The following MBNL3 variants were observed in gnomAD, a reference collection of about 807,000 sequenced individuals.
MBNL3 encodes the protein muscleblind like splicing regulator 3.
MBNL3 carries 6 observed loss-of-function variants against 24.5 expected under a neutral mutation model. The observed-to-expected ratio is 0.25, with a 90% CI of 0.13 to 0.48. MBNL3 has a LOEUF of 0.48. Among genes scored for constraint, MBNL3 ranks in the 20% least tolerant of loss-of-function variants. The pLI, the probability that MBNL3 is intolerant of heterozygous loss-of-function variation, is 0.99. For synonymous variants in MBNL3, 100 were observed against 101.7 expected (o/e 0.98, Z 0.10); for missense variants, 230 against 293.5 (o/e 0.78, Z 1.58).
At chrX:132,453,661 T>G (rs1015928304) in intron 1 of MBNL3, among the ~76,000 whole-genome samples, 1 of 111,877 alleles carries the variant, frequency 8.9e-6, no homozygotes, top group African/African-American at 3.2e-5. Flanking sequence ...ACTAGGATGG[T>G]TTTTTTGTTA....
At chrX:132,471,845 A>G (rs924718312) in intron 1 of MBNL3, among the ~76,000 whole-genome samples, 5 of 112,843 alleles carry the variant, frequency 4.4e-5, no homozygotes, top group Non-Finnish European at 7.5e-5. Context: ...CCCTGTTACA[A>G]AGTCATAATA....
intron 1 of MBNL3, among the ~76,000 whole-genome samples, chrX:132,474,956 C>A (rs1436046045): frequency 1.8e-5 from 2 of 111,279 alleles, no homozygotes; most frequent in African/African-American, 6.5e-5. Flanking sequence ...TACATAATTC[C>A]TGTGGTATTT....
chrX:132,443,984 T>TCCCCCCCCCCCCCCCCCCC lies in MBNL3; in HGVS notation c.-703-3671_-703-3670insGGGGGGGGGGGGGGGGGGG, dbSNP rs762809506. Among the ~76,000 whole-genome samples, 2 of 6,149 alleles carry TCCCCCCCCCCCCCCCCCCC rather than the reference T, an allele frequency of 3.3e-4. 1 individual carries two copies. The allele number at this position is 6,149 out of a possible 115,157, so 5.3% of individuals were successfully genotyped here. A position where few individuals can be genotyped will look rare whatever the true frequency, so the allele number is the denominator to read the frequency against. On this transcript the variant is annotated intron_variant, in intron 1 of 8. Transcript: ENST00000370853. Reference sequence around the variant, plus strand: ...AAACTCAAGCAGCCTGACTCCAGAGTCCGCCCCCCCCCCCCCCCCCCACCT... The same window carrying TCCCCCCCCCCCCCCCCCCC: ...AAACTCAAGCAGCCTGACTCCAGAGTCCCCCCCCCCCCCCCCCCCCCGCCCCCCCCCCCCCCCCCCACCT...
chrX:132,472,050 T>G (rs1947209847), intron 1 of MBNL3, among the ~76,000 whole-genome samples: 1 of 112,492 alleles, frequency 8.9e-6, no homozygotes, highest in Admixed American at 9.4e-5. Flanking sequence ...ACTGAACTTT[T>G]CTCCATGTAT....
chrX:132,396,556 C>T lies in MBNL3; in HGVS notation c.343-4222G>A, dbSNP rs183356845. ...TTCATATATATATTCCTATATATTC[C>T]TATATATATTCCTATATATATTCCT... On this transcript the variant is annotated intron_variant, in intron 3 of 8. Coordinates refer to ENST00000370853, the MANE Select transcript of MBNL3 (RefSeq NM_001386889.1). Among the ~76,000 whole-genome samples the T allele has an allele frequency of 9.6e-4, 16 of 16,583 alleles. 1 individual carries two copies. The highest frequency in any genetic ancestry group is 3.2e-4 in the Non-Finnish European group (2 of 6,255). 14.4% of individuals were successfully genotyped at this position (16,583 alleles called of 115,157 possible). A position where few individuals can be genotyped will look rare whatever the true frequency, so the allele number is the denominator to read the frequency against.
At chrX:132,425,364 G>A (rs756391665) in intron 2 of MBNL3, among the ~76,000 whole-genome samples, 1 of 111,726 alleles carries the variant, frequency 9.0e-6, no homozygotes, top group Non-Finnish European at 1.9e-5. Context: ...CTTAAACTTC[G>A]ATATTGAAAT....
intron 3 of MBNL3, among the ~76,000 whole-genome samples, chrX:132,404,467 G>A (rs1259092803): frequency 8.9e-6 from 1 of 112,192 alleles, no homozygotes; most frequent in Non-Finnish European, 1.9e-5. Context: ...GGAGTTCAAC[G>A]ATGTAAAGAA....
chrX:132,392,422 AT>A, intron 3 of MBNL3, 88 bp from the exon 4 acceptor site: 1 of 727,387 alleles, frequency 1.4e-6, no homozygotes, highest in Non-Finnish European at 1.9e-6. Context: ...AAACATCAAA[AT>A]TACTTATGCC....
chrX:132,483,242 T>A (rs1276485695), intron 1 of MBNL3, among the ~76,000 whole-genome samples: 1 of 112,109 alleles, frequency 8.9e-6, no homozygotes, highest in Non-Finnish European at 1.9e-5. Flanking sequence ...ATCAAGTGCC[T>A]ACTTTTCAGA....
intron 1 of MBNL3, among the ~76,000 whole-genome samples, chrX:132,450,979 C>G (rs1946079462): frequency 8.9e-6 from 1 of 112,346 alleles, no homozygotes; most frequent in South Asian, 3.7e-4. Flanking sequence ...CCCTGTTTGC[C>G]TGGGTATCAC....
chrX:132,461,543 C>T (rs1052188570), intron 1 of MBNL3, among the ~76,000 whole-genome samples: 1 of 111,188 alleles, frequency 9.0e-6, no homozygotes. Context: ...TCTCAATGAG[C>T]TTATAATCTA....
chrX:132,473,620 A>G (rs1316978314), intron 1 of MBNL3, among the ~76,000 whole-genome samples: 1 of 111,032 alleles, frequency 9.0e-6, no homozygotes, highest in Non-Finnish European at 1.9e-5. Context: ...ACGCACACAC[A>G]CACACGCACA....
intron 1 of MBNL3, among the ~76,000 whole-genome samples, chrX:132,447,762 C>A (rs1037529018): frequency 2.7e-5 from 3 of 112,010 alleles, no homozygotes; most frequent in African/African-American, 9.7e-5. Context: ...TGCCTGATTG[C>A]CCTGGCCAGA....
chrX:132,449,984 C>CA (rs1945992804), intron 1 of MBNL3, among the ~76,000 whole-genome samples: 3 of 66,478 alleles, frequency 4.5e-5, no homozygotes, highest in African/African-American at 1.5e-4. Context: ...ATTGCCCCCC[C>CA]CCCCCCCCCG....
rs1349016688 is a variant in MBNL3, at chrX:132,435,817, A to G, written c.177+3618T>C. Among the ~76,000 whole-genome samples the G allele has an allele frequency of 2.7e-5, 3 of 111,324 alleles. No homozygotes were observed. The Admixed American group carries it at 2.9e-4, about 11-fold the overall frequency. On this transcript the variant is annotated intron_variant, in intron 2 of 8. Transcript: ENST00000370853. ...TTTACCAGGAAATTCTTGGCACAAAACTACCCAAAGTGGTAAGAGGGGTGG... is the reference window on the plus strand; with the variant it reads ...TTTACCAGGAAATTCTTGGCACAAAGCTACCCAAAGTGGTAAGAGGGGTGG...
At chrX:132,436,337 A>G (rs1945115714) in intron 2 of MBNL3, among the ~76,000 whole-genome samples, 1 of 112,187 alleles carries the variant, frequency 8.9e-6, no homozygotes, top group African/African-American at 3.2e-5. Context: ...ACTTCAGCAC[A>G]ATACACAATC....
At position 132,417,884 on chromosome X, in the gene MBNL3, ACAT is replaced by A. The variant is rs1169422186; in HGVS notation, c.178-11495_178-11493del. Among the ~76,000 whole-genome samples, 7 of 112,129 alleles carry A rather than the reference ACAT, an allele frequency of 6.2e-5. No homozygotes were observed. The East Asian group carries it at 1.1e-3, about 18-fold the overall frequency. On this transcript the variant is annotated intron_variant, in intron 2 of 8. Transcript: ENST00000370853. The stretch of plus-strand genomic sequence containing the variant: ...AGCGAAAGAAACTAGGTAGTGTAAA[ACAT>A]CAGTGTGCTAATCTTTTACACTCAT...
intron 2 of MBNL3, chrX:132,432,790 T>G (rs1427392396): frequency 2.7e-5 from 3 of 109,560 alleles, no homozygotes; most frequent in African/African-American, 1.0e-4. Context: ...CATTCAAAAA[T>G]TAAACTTTAA....
intron 1 of MBNL3, among the ~76,000 whole-genome samples, chrX:132,466,666 C>T (rs903244328): frequency 1.5e-4 from 17 of 111,417 alleles, no homozygotes; most frequent in Middle Eastern, 4.6e-3. Context: ...AAGCTGAGGT[C>T]TGGAAGTAGT....
Sources: gnomAD v4.1 joint callset for allele counts (sites outside exome capture counted in the v4.1 genomes callset) on GRCh38, gnomAD v4.1.1 for gene constraint, MANE v1.5 for transcripts, NCBI Gene and HGNC (gene_info 2026-07-23, HGNC 2026-07-21) for gene names.